BANK1: variants seen among roughly 807,000 people sequenced by gnomAD.
The protein encoded by BANK1 is B cell scaffold protein with ankyrin repeats 1.
BANK1 carries 95 observed loss-of-function variants against 94.5 expected under a neutral mutation model. That is an observed-to-expected ratio of 1.00 (90% confidence interval 0.85 to 1.19). BANK1 has a LOEUF of 1.19. BANK1 is among the 50% of genes most tolerant of loss of function. The pLI is 0.00. For missense variants in BANK1, 987 were observed against 932.2 expected, an observed-to-expected ratio of 1.06 and a Z score of -0.77; for synonymous variants, 334 against 308.4, an observed-to-expected ratio of 1.08 and a Z score of -0.87.
intron 7 of BANK1, among the ~76,000 whole-genome samples, chr4:101,921,221 A>T (rs986766001): frequency 1.3e-5 from 2 of 151,982 alleles, no homozygotes; most frequent in African/African-American, 4.8e-5. Context: ...AGTATTTCAA[A>T]TATCTACTCA....
rs191032983 is a variant in BANK1 at position 101,996,242 on chromosome 4, G to A, written c.1207-25272G>A. Among the ~76,000 whole-genome samples the A allele has an allele frequency of 3.3e-3, 502 of 152,242 alleles. 4 individuals are homozygous for A. Among genetic ancestry groups the A allele is most frequent in the Middle Eastern group, 0.027 (8 of 294 alleles). On this transcript the variant is annotated intron_variant, in intron 7 of 16. Transcript: ENST00000322953. The stretch of plus-strand genomic sequence containing the variant: ...TGTCAAAGATCAGATGGTTGTAGAT[G>A]TGTAGTGTTATTTCTGAGGCCTCTG...
At chr4:101,803,116 C>T (rs765896147) in intron 1 of BANK1, among the ~76,000 whole-genome samples, 3 of 152,172 alleles carry the variant, frequency 2.0e-5, no homozygotes, top group Non-Finnish European at 4.4e-5. Flanking sequence ...ATTGTTGTCT[C>T]AACATTGATA....
At chr4:101,819,372 C>T (rs1000997595) in intron 1 of BANK1, among the ~76,000 whole-genome samples, 1 of 152,116 alleles carries the variant, frequency 6.6e-6, no homozygotes, top group African/African-American at 2.4e-5. Context: ...TCAAAGTCCT[C>T]TAAGTCTATA....
At chr4:101,814,670 C>G (rs1316999147) in intron 1 of BANK1, among the ~76,000 whole-genome samples, 3 of 152,160 alleles carry the variant, frequency 2.0e-5, no homozygotes, top group Non-Finnish European at 2.9e-5. Flanking sequence ...GAATTTAAGT[C>G]CAGCTTAATG....
chr4:101,820,797 G>A (rs1424687024), intron 1 of BANK1, among the ~76,000 whole-genome samples: 4 of 152,156 alleles, frequency 2.6e-5, no homozygotes, highest in African/African-American at 9.6e-5. Context: ...CCCACAAGAC[G>A]TTATCTCATT....
intron 2 of BANK1, among the ~76,000 whole-genome samples, chr4:101,837,247 G>A (rs1310200581): frequency 2.6e-5 from 4 of 152,064 alleles, no homozygotes; most frequent in East Asian, 1.9e-4. Flanking sequence ...GACTAAGACC[G>A]GTACAACTGT....
At chr4:101,908,614 C>T (rs1226869116) in intron 6 of BANK1, among the ~76,000 whole-genome samples, 2 of 152,134 alleles carry the variant, frequency 1.3e-5, no homozygotes, top group African/African-American at 4.8e-5. Flanking sequence ...TCAGAGTGAA[C>T]AGGCAACCTA....
intron 7 of BANK1, among the ~76,000 whole-genome samples, chr4:101,932,249 C>A (rs1342827287): frequency 6.6e-6 from 1 of 151,436 alleles, no homozygotes; most frequent in East Asian, 2.0e-4. Context: ...CCTTAATAAA[C>A]CTAGAATTCA....
rs78591365 is a variant in BANK1 at position 102,059,948 on chromosome 4, G to A, written c.1970-263G>A. On this transcript the variant is annotated intron_variant, in intron 11 of 16. Transcript: ENST00000322953. ...AAAATTGGCACTGCCATCAACTAGC[G>A]AAGTATATAACCTTTGCTACTGCCC... Among the ~76,000 whole-genome samples, 296 of 152,292 alleles carry A rather than the reference G, an allele frequency of 1.9e-3. 1 individual carries two copies. The highest frequency in any genetic ancestry group is 6.9e-3 in the African/African-American group (285 of 41,568).
At chr4:101,833,648 C>T (rs1726713233) in intron 2 of BANK1, among the ~76,000 whole-genome samples, 1 of 152,138 alleles carries the variant, frequency 6.6e-6, no homozygotes, top group Non-Finnish European at 1.5e-5. Context: ...TCTGTTTCCT[C>T]CTGTACACCC....
intron 10 of BANK1, among the ~76,000 whole-genome samples, chr4:102,034,937 A>G (rs780204692): frequency 3.3e-5 from 5 of 152,196 alleles, no homozygotes; most frequent in South Asian, 2.1e-4. Flanking sequence ...CTTCTAACCT[A>G]TAAGATCCAT....
chr4:102,072,045 G>C (rs1347654611), intron 14 of BANK1, among the ~76,000 whole-genome samples: 2 of 152,178 alleles, frequency 1.3e-5, no homozygotes, highest in Non-Finnish European at 2.9e-5. Context: ...ATGTGGAAAA[G>C]AAAAGGAAGA....
chr4:101,833,141 G>A (rs1158636925), intron 2 of BANK1, among the ~76,000 whole-genome samples: 9 of 151,966 alleles, frequency 5.9e-5, no homozygotes, highest in South Asian at 2.1e-4. Flanking sequence ...CACCATACCC[G>A]GCTAATTTTG....
At chr4:101,822,741 G>A (rs534442803) in intron 1 of BANK1, among the ~76,000 whole-genome samples, 69 of 151,214 alleles carry the variant, frequency 4.6e-4, no homozygotes, top group African/African-American at 1.5e-3. Context: ...TCAGCCTCCC[G>A]AGTAGCTGGG....
intron 1 of BANK1, among the ~76,000 whole-genome samples, chr4:101,803,139 C>A (rs1725412502): frequency 6.6e-6 from 1 of 152,110 alleles, no homozygotes; most frequent in African/African-American, 2.4e-5. Context: ...GAAATAAGTT[C>A]TTTTGAACAA....
chr4:101,910,704 A>C (rs928366044), intron 6 of BANK1, among the ~76,000 whole-genome samples: 2 of 151,764 alleles, frequency 1.3e-5, no homozygotes, highest in African/African-American at 2.4e-5. Flanking sequence ...GAAAAAAAAA[A>C]AAAAAAAAAA....
At chr4:102,049,095 C>T (rs1436474808) in intron 11 of BANK1, among the ~76,000 whole-genome samples, 2 of 152,102 alleles carry the variant, frequency 1.3e-5, no homozygotes, top group South Asian at 2.1e-4. Context: ...CTTATGTTAT[C>T]GAAGCTCACA....
At chr4:101,986,835 A>ATATATATGTGTATATATATG (rs1271373830) in intron 7 of BANK1, among the ~76,000 whole-genome samples, 1,597 of 106,542 alleles carry the variant, frequency 0.015, 111 homozygotes, top group African/African-American at 0.058. Context: ...ATATATATGT[A>ATATATATGTGTATATATATG]TATATATGTG....
intron 7 of BANK1, among the ~76,000 whole-genome samples, chr4:102,013,681 T>C (rs900835373): frequency 6.6e-6 from 1 of 152,018 alleles, no homozygotes; most frequent in African/African-American, 2.4e-5. Flanking sequence ...TAGTAAGCTA[T>C]GAAAAGGAGG....
Sources: gnomAD v4.1 joint callset for allele counts (sites outside exome capture counted in the v4.1 genomes callset) on GRCh38, gnomAD v4.1.1 for gene constraint, MANE v1.5 for transcripts, NCBI Gene and HGNC (gene_info 2026-07-23, HGNC 2026-07-21) for gene names.